RGS22: variants seen among roughly 807,000 people sequenced by gnomAD.
The protein encoded by RGS22 is regulator of G-protein signaling 22.
A neutral mutation model predicts 172.9 loss-of-function variants in RGS22; 148 were observed. The ratio of observed to expected loss-of-function variants is 0.86; its 90% CI spans 0.75 to 0.98. The LOEUF (loss-of-function observed/expected upper bound fraction) is 0.98. RGS22 is among the 50% of genes least tolerant of loss of function. The pLI is 0.00. For missense variants in RGS22, 1,347 were observed against 1,440.8 expected (o/e 0.93, Z 1.05); for synonymous variants, 458 against 480.2 (o/e 0.95, Z 0.60).
intron 14 of RGS22, among the ~76,000 whole-genome samples, chr8:100,022,918 T>G (rs762368168): frequency 6.6e-6 from 1 of 152,000 alleles, no homozygotes; most frequent in Non-Finnish European, 1.5e-5. Context: ...TTTGTAGAGA[T>G]AGGGTTTTGT....
chr8:100,018,471 C>T (rs995188623), intron 14 of RGS22, among the ~76,000 whole-genome samples: 87 of 151,946 alleles, frequency 5.7e-4, no homozygotes, highest in African/African-American at 2.0e-3. Context: ...GGAAGAAAAT[C>T]TATATTTTGA....
At chr8:100,011,873 G>A (rs1177308282) in intron 14 of RGS22, among the ~76,000 whole-genome samples, 5 of 152,028 alleles carry the variant, frequency 3.3e-5, no homozygotes, top group African/African-American at 1.2e-4. Context: ...AAAGCAGGAT[G>A]GACTCAAAAA....
At chr8:99,986,959 A>G (rs1433139410) in intron 21 of RGS22, among the ~76,000 whole-genome samples, 1 of 152,164 alleles carries the variant, frequency 6.6e-6, no homozygotes, top group Non-Finnish European at 1.5e-5. Context: ...GAAGGTTCTC[A>G]TTAAATCTTA....
intron 14 of RGS22, among the ~76,000 whole-genome samples, chr8:100,015,338 G>A (rs1209779715): frequency 2.0e-5 from 3 of 151,918 alleles, no homozygotes; most frequent in Admixed American, 6.6e-5. Flanking sequence ...TGTCACCCAG[G>A]CTGGAGTGCA....
Position 100,059,682 on chromosome 8 carries a change from CA to C in RGS22, c.1514+2908del, listed in dbSNP as rs111536603. Among the ~76,000 whole-genome samples, 7 of 152,210 alleles carry C rather than the reference CA, an allele frequency of 4.6e-5. 1 individual carries two copies. Among genetic ancestry groups the C allele is most frequent in the African/African-American group, 1.7e-4 (7 of 41,536 alleles). ...CTACAAAGAGAGATAGGTCCCAATGCAACAATAGCTGGAGACTTCAACCTCT... is the reference window on the plus strand; with the variant it reads ...CTACAAAGAGAGATAGGTCCCAATGCACAATAGCTGGAGACTTCAACCTCT... On this transcript the variant is annotated intron_variant, in intron 9 of 27. Transcript: ENST00000360863.
chr8:100,060,294 A>G (rs1245298894), intron 9 of RGS22, among the ~76,000 whole-genome samples: 1 of 151,054 alleles, frequency 6.6e-6, no homozygotes, highest in African/African-American at 2.4e-5. Flanking sequence ...CACTATGAGC[A>G]CAAGGATTTG....
chr8:99,987,399 ACATTTT>A (rs1813210939), intron 21 of RGS22, 53 bp downstream of exon 21: 1 of 1,328,074 alleles, frequency 7.5e-7, no homozygotes, highest in Non-Finnish European at 1.0e-6. Flanking sequence ...TAAAAATCTG[ACATTTT>A]AATGCATTTC....
intron 23 of RGS22, among the ~76,000 whole-genome samples, chr8:99,968,846 T>C (rs916414434): frequency 2.6e-5 from 4 of 152,046 alleles, no homozygotes; most frequent in Admixed American, 2.0e-4. Context: ...CCTAGCAAGA[T>C]AGGCCAACAT....
chr8:100,002,240 C>T lies in RGS22; in HGVS notation c.2752G>A (p.Gly918Arg). Residue 918 changes from glycine to arginine, a missense_variant, in exon 18 of 28, where the codon GGA (glycine) becomes AGA (arginine). Gly to Arg is a moderately radical substitution (Grantham distance 125). Transcript: ENST00000360863. ...NKYLNKKYFF[G>R]PNSPASLYQQ... ...TACAGAGAAGCTGGACTGTTGGGTC[C>T]AAAGAAATATTTTTTATTAAGGTAT... 1 of 1,605,938 alleles carries T rather than the reference C, an allele frequency of 6.2e-7. No homozygotes were observed. Among genetic ancestry groups the T allele is most frequent in the South Asian group, 1.1e-5 (1 of 89,258 alleles).
At chr8:99,994,381 A>G (rs1209743027) in intron 20 of RGS22, among the ~76,000 whole-genome samples, 3 of 152,234 alleles carry the variant, frequency 2.0e-5, no homozygotes, top group Admixed American at 2.0e-4. Context: ...ATCTCAGCCC[A>G]AAATCTCCTT....
chr8:100,091,199 G>A (rs184158635), intron 3 of RGS22, among the ~76,000 whole-genome samples: 3 of 151,580 alleles, frequency 2.0e-5, no homozygotes, highest in East Asian at 3.9e-4. Flanking sequence ...TTGAAAACCC[G>A]CGACAACATT....
chr8:100,045,683 C>G (rs926668683), intron 11 of RGS22, among the ~76,000 whole-genome samples: 3 of 151,104 alleles, frequency 2.0e-5, no homozygotes, highest in African/African-American at 7.3e-5. Context: ...TGAATTTTGA[C>G]TCAAAAATTC....
At chr8:100,083,630 T>A (rs1406612986) in intron 3 of RGS22, among the ~76,000 whole-genome samples, 1 of 152,012 alleles carries the variant, frequency 6.6e-6, no homozygotes, top group Non-Finnish European at 1.5e-5. Flanking sequence ...CCTCTCAAAG[T>A]GCTGGGATTA....
intron 3 of RGS22, among the ~76,000 whole-genome samples, chr8:100,090,568 C>T (rs1812500703): frequency 6.6e-6 from 1 of 152,120 alleles, no homozygotes; most frequent in Non-Finnish European, 1.5e-5. Flanking sequence ...TACTTGAAAA[C>T]TAATTTCACA....
intron 11 of RGS22, among the ~76,000 whole-genome samples, chr8:100,043,782 C>CA (rs1314871380): frequency 6.7e-6 from 1 of 150,352 alleles, no homozygotes; most frequent in African/African-American, 2.4e-5. Context: ...CAAAAAAAAA[C>CA]AAAAAACAAA....
intron 14 of RGS22, among the ~76,000 whole-genome samples, chr8:100,025,738 G>A (rs771352206): frequency 2.0e-5 from 3 of 152,190 alleles, no homozygotes; most frequent in Non-Finnish European, 2.9e-5. Context: ...CTTCAACACT[G>A]CCCCACTTAT....
At chr8:99,985,250 G>A (rs1362531879) in intron 21 of RGS22, among the ~76,000 whole-genome samples, 117 of 152,138 alleles carry the variant, frequency 7.7e-4, no homozygotes, top group Non-Finnish European at 1.3e-4. Flanking sequence ...TGACCTCATG[G>A]GATTCTTGTG....
intron 14 of RGS22, among the ~76,000 whole-genome samples, chr8:100,037,501 C>T (rs866684565): frequency 3.9e-5 from 6 of 152,054 alleles, no homozygotes; most frequent in Admixed American, 1.3e-4. Flanking sequence ...TTACAGACCT[C>T]GAAAATCCCA....
intron 1 of RGS22, 97 bp downstream of exon 1, chr8:100,105,800 A>C: frequency 9.3e-7 from 1 of 1,074,688 alleles, no homozygotes; most frequent in Non-Finnish European, 1.3e-6. Context: ...GAGCGGGGAT[A>C]CCGCTAGGAG....
Sources: allele counts gnomAD v4.1 joint callset (sites outside exome capture counted in the v4.1 genomes callset), GRCh38; gene constraint gnomAD v4.1.1; transcripts MANE v1.5; gene names NCBI Gene and HGNC (gene_info 2026-07-23, HGNC 2026-07-21).